Variants in MESD observed in about 807,000 individuals in gnomAD.
MESD encodes LRP chaperone MESD.
MESD carries 7 observed loss-of-function variants against 12.9 expected under a neutral mutation model. The ratio of observed to expected loss-of-function variants is 0.54; its 90% CI spans 0.31 to 1.02. The LOEUF (loss-of-function observed/expected upper bound fraction) is 1.02. Ranked by LOEUF, MESD falls within the 50% of genes least tolerant of loss-of-function variation. The pLI is 0.05. For missense variants in MESD, 342 were observed against 296.7 expected (o/e 1.15, Z -1.12); for synonymous variants, 126 against 115.6 (o/e 1.09, Z -0.58).
At chr15:80,966,312 G>C (rs1902174265) in intron 3 of MESD, among the ~76,000 whole-genome samples, 2 of 151,812 alleles carry the variant, frequency 1.3e-5, no homozygotes, top group Non-Finnish European at 2.9e-5. Flanking sequence ...GACTTGACAG[G>C]TTCAAATAAC....
Position 80,979,061 on chromosome 15 carries a change from A to C in MESD, c.*158T>G. On this transcript the variant is annotated 3_prime_UTR_variant, in exon 3 of 3. Transcript: ENST00000261758. ...TCTTACTTGAAGCCTATTAAGCAGT[A>C]ATTCTTTGACCACAAACTGGTCATG... 1 of 940,134 alleles carries C rather than the reference A, an allele frequency of 1.1e-6. No individual in the cohort carries two copies. Among genetic ancestry groups the C allele is most frequent in the Non-Finnish European group, 1.6e-6 (1 of 627,848 alleles). 58.2% of individuals were successfully genotyped at this position (940,134 alleles called of 1,614,324 possible).
At chr15:80,955,467 G>T (rs1901952655) in intron 3 of MESD, among the ~76,000 whole-genome samples, 2 of 137,054 alleles carry the variant, frequency 1.5e-5, no homozygotes, top group Non-Finnish European at 3.1e-5. Context: ...TCCAGCCTGG[G>T]CGACGGAGAG....
downstream of MESD, among the ~76,000 whole-genome samples, chr15:80,974,600 T>TAA (rs201950219): frequency 0.17 from 23,057 of 132,136 alleles, 1,916 homozygotes; most frequent in African/African-American, 0.24. Context: ...GTATCAGAGC[T>TAA]AAAAAAAAAA....
chr15:80,959,530 G>C (rs1902048493), intron 3 of MESD, among the ~76,000 whole-genome samples: 1 of 152,160 alleles, frequency 6.6e-6, no homozygotes, highest in Admixed American at 6.5e-5. Flanking sequence ...GCTAGAAAAT[G>C]TCTTGCTCAG....
intron 2 of MESD, among the ~76,000 whole-genome samples, chr15:80,980,991 T>G (rs1017179779): frequency 4.0e-5 from 6 of 151,776 alleles, no homozygotes; most frequent in African/African-American, 1.5e-4. Flanking sequence ...GCCCCGCTAA[T>G]TTTTCTGTAT....
exon 5 of MESD, chr15:80,948,889 G>A (rs903112925): frequency 6.2e-7 from 1 of 1,614,114 alleles, no homozygotes; most frequent in African/African-American, 1.3e-5. Context: ...CTTCCAAGTT[G>A]TGCCCATCCC....
rs1180269522 is a variant in MESD, at chr15:80,958,890, C to A, written c.*289-6594G>T. Among the ~76,000 whole-genome samples, 3 of 152,076 alleles carry A rather than the reference C, an allele frequency of 2.0e-5. No individual in the cohort carries two copies. The East Asian group carries it at 5.8e-4, about 29-fold the overall frequency. ...TCTGAGGAAAAGCCCCTAGAGTAGC[C>A]GTGAAGGACTTGGTAAGAAGTGGTG... On this transcript the variant is annotated intron_variant, in intron 3 of 4. Coordinates refer to the MESD transcript ENST00000561312.
chr15:80,964,757 G>A (rs573673345), intron 3 of MESD, among the ~76,000 whole-genome samples: 206 of 152,330 alleles, frequency 1.4e-3, no homozygotes, highest in Middle Eastern at 3.4e-3. Context: ...GCCATATGTA[G>A]AAAGCTGAAA....
At chr15:80,970,356 G>C (rs946256898) in intron 3 of MESD, 3 of 152,208 alleles carry the variant, frequency 2.0e-5, no homozygotes, top group African/African-American at 7.2e-5. Flanking sequence ...ATATGGTGGA[G>C]AGAATGAACA....
At position 80,978,205 on chromosome 15, in the gene MESD, T is replaced by C. The variant is rs1346692550; in HGVS notation, c.*1014A>G. Reference sequence around the variant, plus strand: ...TTAACACTGACATTTTCTAACCATGTAATGTGCTACTTTTAATTTATTAAA... The same window carrying C: ...TTAACACTGACATTTTCTAACCATGCAATGTGCTACTTTTAATTTATTAAA... On this transcript the variant is annotated 3_prime_UTR_variant, in exon 3 of 3. Transcript: ENST00000261758. 1 of 152,206 alleles carries C rather than the reference T, an allele frequency of 6.6e-6. No homozygotes were observed. The highest frequency in any genetic ancestry group is 1.5e-5 in the Non-Finnish European group (1 of 68,042). 9.4% of individuals were successfully genotyped at this position (152,206 alleles called of 1,614,324 possible). A position where few individuals can be genotyped will look rare whatever the true frequency, so the allele number is the denominator to read the frequency against.
rs994575539 is a variant in MESD at position 80,977,421 on chromosome 15, G to A, written c.*1798C>T. 1 of 152,252 alleles carries A rather than the reference G, an allele frequency of 6.6e-6. No homozygotes were observed. The highest frequency in any genetic ancestry group is 1.5e-5 in the Non-Finnish European group (1 of 68,082). The allele number at this position is 152,252 out of a possible 1,614,324, so 9.4% of individuals were successfully genotyped here. Reference sequence around the variant, plus strand: ...GTACCTAGTACATAACAGACACACAGAAACTACTGGGTGAAGTGGGGGCAC... The same window carrying A: ...GTACCTAGTACATAACAGACACACAAAAACTACTGGGTGAAGTGGGGGCAC... On this transcript the variant is annotated 3_prime_UTR_variant, in exon 3 of 3. Coordinates refer to ENST00000261758, the MANE Select transcript of MESD (RefSeq NM_015154.3).
exon 5 of MESD, chr15:80,947,532 A>T (rs1400026777): frequency 1.8e-5 from 3 of 169,674 alleles, no homozygotes; most frequent in African/African-American, 7.2e-5. Flanking sequence ...GAGAACCTAC[A>T]TGGCTTGTCC....
At chr15:80,953,208 C>T (rs566143246) in intron 3 of MESD, among the ~76,000 whole-genome samples, 34 of 152,300 alleles carry the variant, frequency 2.2e-4, no homozygotes, top group Middle Eastern at 3.4e-3. Context: ...TTAGGGCCCA[C>T]TGGCTGTGAT....
At chr15:80,988,973 A>C (rs111426489) in intron 1 of MESD, among the ~76,000 whole-genome samples, 264 of 152,368 alleles carry the variant, frequency 1.7e-3, no homozygotes, top group South Asian at 0.012. Context: ...TTGAACAAAA[A>C]GCGTGAGTTT....
At chr15:80,985,844 C>T (rs902879378) in intron 1 of MESD, among the ~76,000 whole-genome samples, 26 of 151,738 alleles carry the variant, frequency 1.7e-4, no homozygotes, top group Non-Finnish European at 3.2e-4. Context: ...CTGGTAAAGA[C>T]GGGTTTCACC....
chr15:80,946,598 A>G (rs1417876971), downstream of MESD: 1 of 262,618 alleles, frequency 3.8e-6, no homozygotes, highest in Non-Finnish European at 7.6e-6. Context: ...GGTTGAGAAC[A>G]TTCAAGGGAA....
At chr15:80,985,725 C>G (rs923367343) in intron 1 of MESD, among the ~76,000 whole-genome samples, 1 of 137,836 alleles carries the variant, frequency 7.3e-6, no homozygotes, top group East Asian at 2.3e-4. Flanking sequence ...AATCTTGGCT[C>G]ATTGCAACTT....
At chr15:80,971,529 C>G (rs944016124), downstream of MESD, among the ~76,000 whole-genome samples, 2 of 152,220 alleles carry the variant, frequency 1.3e-5, no homozygotes, top group African/African-American at 2.4e-5. Flanking sequence ...CACTGATCCC[C>G]TCACTCTGCT....
At chr15:80,967,836 G>A (rs1226651803) in intron 3 of MESD, among the ~76,000 whole-genome samples, 1 of 152,232 alleles carries the variant, frequency 6.6e-6, no homozygotes, top group Non-Finnish European at 1.5e-5. Flanking sequence ...CCAGGGAACA[G>A]TGGTCAAAGA....
Sources: allele counts gnomAD v4.1 joint callset (sites outside exome capture counted in the v4.1 genomes callset), GRCh38; gene constraint gnomAD v4.1.1; transcripts MANE v1.5; gene names NCBI Gene and HGNC (gene_info 2026-07-23, HGNC 2026-07-21).